CFAP299: variants seen among roughly 807,000 people sequenced by gnomAD.
CFAP299 encodes the protein cilia- and flagella-associated protein 299.
Under a neutral mutation model 27.0 loss-of-function variants are expected in CFAP299, and 21 were observed. The ratio of observed to expected loss-of-function variants is 0.78; its 90% CI spans 0.55 to 1.12. The LOEUF is 1.12. Among genes scored for constraint, CFAP299 ranks in the 50% most tolerant of loss-of-function variants. The pLI is 0.00. For synonymous variants in CFAP299, 104 were observed against 98.1 expected (o/e 1.06, Z -0.36); for missense variants, 310 against 276.6 (o/e 1.12, Z -0.86).
At chr4:80,519,705 T>C (rs1732805736) in intron 2 of CFAP299, among the ~76,000 whole-genome samples, 1 of 151,838 alleles carries the variant, frequency 6.6e-6, no homozygotes. Context: ...AGAAAGGAGG[T>C]GGTAATCTGA....
intron 4 of CFAP299, among the ~76,000 whole-genome samples, chr4:80,906,724 C>T (rs1184310526): frequency 6.6e-6 from 1 of 152,168 alleles, no homozygotes; most frequent in Admixed American, 6.5e-5. Flanking sequence ...ACCTTGACCC[C>T]TTTTAGCCAT....
chr4:80,646,440 A>G lies in CFAP299; in HGVS notation c.333+63257A>G, dbSNP rs142194307. Among the ~76,000 whole-genome samples, 771 of 152,292 alleles carry G rather than the reference A, an allele frequency of 5.1e-3. 6 individuals carry two copies. Among genetic ancestry groups the G allele is most frequent in the Middle Eastern group, 0.02 (6 of 294 alleles). On this transcript the variant is annotated intron_variant, in intron 3 of 5. Transcript: ENST00000358105. ...CCTAATTTCTAATCAGCTAATTACAATGGATCTACTGTGCAGAATAAGAGT... is the reference window on the plus strand; with the variant it reads ...CCTAATTTCTAATCAGCTAATTACAGTGGATCTACTGTGCAGAATAAGAGT...
At chr4:80,728,748 A>T (rs1367459284) in intron 3 of CFAP299, among the ~76,000 whole-genome samples, 1 of 152,186 alleles carries the variant, frequency 6.6e-6, no homozygotes, top group Non-Finnish European at 1.5e-5. Context: ...AGGACTTGAT[A>T]AGACAGTTAT....
chr4:80,799,936 TATATTATATAA>T (rs1178966253), intron 3 of CFAP299, among the ~76,000 whole-genome samples: 1 of 45,830 alleles, frequency 2.2e-5, no homozygotes, highest in South Asian at 6.5e-4. Context: ...ATTTATATAT[TATATTATATAA>T]ATATTATATA....
intron 5 of CFAP299, among the ~76,000 whole-genome samples, chr4:80,947,251 T>C (rs1234739194): frequency 2.6e-5 from 4 of 152,174 alleles, no homozygotes; most frequent in Non-Finnish European, 5.9e-5. Context: ...GAGCAAGCAT[T>C]TGGTTAATGA....
At chr4:80,395,126 C>A (rs763863440) in intron 2 of CFAP299, among the ~76,000 whole-genome samples, 2 of 151,746 alleles carry the variant, frequency 1.3e-5, no homozygotes, top group Non-Finnish European at 2.9e-5. Context: ...TATATAGATA[C>A]TAATATTTTA....
rs143566078 is a variant in CFAP299 at position 80,716,252 on chromosome 4, A to C, written c.333+133069A>C. ...TGTGGATATCTTGCTTGCTCTTCCC[A>C]TGACCTCATGAGAGAAACAAGGCAC... is the stretch of plus-strand genomic sequence containing the variant. On this transcript the variant is annotated intron_variant, in intron 3 of 5. Transcript: ENST00000358105. Among the ~76,000 whole-genome samples, 1,435 of 152,080 alleles carry C rather than the reference A, an allele frequency of 9.4e-3. 18 individuals carry two copies. The highest frequency in any genetic ancestry group is 0.062 in the South Asian group (301 of 4,822).
intron 2 of CFAP299, among the ~76,000 whole-genome samples, chr4:80,491,351 A>T (rs2110138919): frequency 6.6e-6 from 1 of 152,294 alleles, no homozygotes; most frequent in Non-Finnish European, 1.5e-5. Context: ...TGATAAAAAC[A>T]TTTCAGCAAT....
rs369522811 is a variant in CFAP299 at position 80,447,221 on chromosome 4, C to T, written c.242+84337C>T. Among the ~76,000 whole-genome samples, 791 of 142,500 alleles carry T rather than the reference C, an allele frequency of 5.6e-3. 2 individuals carry two copies. The highest frequency in any genetic ancestry group is 0.026 in the Middle Eastern group (7 of 272). 93.5% of individuals were successfully genotyped at this position (142,500 alleles called of 152,430 possible). ...CGGGATCTCGGCTCACTGCAAGCTC[C>T]GCCTCCCGGGTTCACGCCATTCTCC... On this transcript the variant is annotated intron_variant, in intron 2 of 5. Transcript: ENST00000358105.
At chr4:80,596,261 C>T (rs1198578886) in intron 3 of CFAP299, among the ~76,000 whole-genome samples, 9 of 152,160 alleles carry the variant, frequency 5.9e-5, no homozygotes, top group African/African-American at 2.2e-4. Context: ...TGACAGATGG[C>T]TATGCAGTCT....
At chr4:80,560,905 A>G (rs1735008655) in intron 2 of CFAP299, among the ~76,000 whole-genome samples, 1 of 152,130 alleles carries the variant, frequency 6.6e-6, no homozygotes, top group South Asian at 2.1e-4. Context: ...CCTAAAGGGA[A>G]GGACACAGAC....
chr4:80,418,223 A>G (rs1667883299), intron 2 of CFAP299, among the ~76,000 whole-genome samples: 2 of 151,312 alleles, frequency 1.3e-5, no homozygotes, highest in Admixed American at 1.3e-4. Context: ...AAGATGTACA[A>G]CAAGCCCCAC....
chr4:80,723,468 GATAA>G (rs1722958754), intron 3 of CFAP299, among the ~76,000 whole-genome samples: 1 of 152,020 alleles, frequency 6.6e-6, no homozygotes, highest in Non-Finnish European at 1.5e-5. Context: ...GAGTAAATCA[GATAA>G]ATGAGTTCAC....
intron 5 of CFAP299, among the ~76,000 whole-genome samples, chr4:80,955,276 A>G (rs536994536): frequency 1.3e-5 from 2 of 152,324 alleles, no homozygotes; most frequent in Non-Finnish European, 1.5e-5. Flanking sequence ...AGTTGAAGGT[A>G]CAGAGATCTT....
chr4:80,615,504 C>T (rs1286228980), intron 3 of CFAP299, among the ~76,000 whole-genome samples: 1 of 151,746 alleles, frequency 6.6e-6, no homozygotes, highest in African/African-American at 2.4e-5. Flanking sequence ...ATCATCGATT[C>T]ACTCTAAGGT....
At chr4:80,554,300 G>C (rs1734681844) in intron 2 of CFAP299, among the ~76,000 whole-genome samples, 1 of 152,012 alleles carries the variant, frequency 6.6e-6, no homozygotes, top group Admixed American at 6.6e-5. Flanking sequence ...GATTGTCATA[G>C]GTGTGTGGTC....
Position 80,489,211 on chromosome 4 carries a change from A to G in CFAP299, c.243-93882A>G, listed in dbSNP as rs141090325. Among the ~76,000 whole-genome samples, 3 of 152,206 alleles carry G rather than the reference A, an allele frequency of 2.0e-5. No homozygotes were observed. In the East Asian group the frequency reaches 5.8e-4, roughly 29 times the overall value. ...ATGTGGACCTTAATTTTCCAACAAG[A>G]TGTCTCTGAAGGTATTTTTACTATT... On this transcript the variant is annotated intron_variant, in intron 2 of 5. Transcript: ENST00000358105.
intron 2 of CFAP299, among the ~76,000 whole-genome samples, chr4:80,414,678 A>T (rs537704828): frequency 6.6e-6 from 1 of 152,318 alleles, no homozygotes; most frequent in African/African-American, 2.4e-5. Context: ...AGTATTGTCA[A>T]GGGTCATGGA....
In CFAP299 at chr4:80,519,889, A is replaced by T. The variant is rs147293355; in HGVS notation, c.243-63204A>T. 1.0e-3 allele frequency among the ~76,000 whole-genome samples: 156 copies of T among 152,306 alleles called. No individual in the cohort carries two copies. In the East Asian group the frequency reaches 0.024, roughly 23 times the overall value. Reference sequence around the variant, plus strand: ...TGAGCAAGATTCCTGTAACCTATATAGTCAGTCTATAGCTGCAGTCTCATT... The same window carrying T: ...TGAGCAAGATTCCTGTAACCTATATTGTCAGTCTATAGCTGCAGTCTCATT... On this transcript the variant is annotated intron_variant, in intron 2 of 5. Transcript: ENST00000358105.
Sources: gnomAD v4.1 joint callset for allele counts (sites outside exome capture counted in the v4.1 genomes callset) on GRCh38, gnomAD v4.1.1 for gene constraint, MANE v1.5 for transcripts, NCBI Gene and HGNC (gene_info 2026-07-23, HGNC 2026-07-21) for gene names.